SNX24: variants seen among roughly 807,000 people sequenced by gnomAD.
SNX24 encodes the protein sorting nexin-24.
Under a neutral mutation model 28.7 loss-of-function variants are expected in SNX24, and 22 were observed. The observed-to-expected ratio is 0.77, with a 90% CI of 0.55 to 1.10. SNX24 has a LOEUF of 1.10. Among genes scored for constraint, SNX24 ranks in the 50% least tolerant of loss-of-function variants. The probability of loss-of-function intolerance (pLI) is 0.00; values close to 1 mark genes in which losing one functional copy is unlikely to be tolerated. For synonymous variants in SNX24, 69 were observed against 71.5 expected, an observed-to-expected ratio of 0.96 and a Z score of 0.18; for missense variants, 221 against 201.1, an observed-to-expected ratio of 1.10 and a Z score of -0.60.
At chr5:122,848,781 AG>A (rs1297174777) in intron 1 of SNX24, among the ~76,000 whole-genome samples, 7 of 152,238 alleles carry the variant, frequency 4.6e-5, no homozygotes, top group Non-Finnish European at 1.0e-4. Context: ...AGGAAGTTTA[AG>A]GTAGAAATGG....
rs541197894 is a variant in SNX24, at chr5:122,856,045, G to A, written c.60+10352G>A. 2.2e-4 allele frequency among the ~76,000 whole-genome samples: 33 copies of A among 152,262 alleles called. 1 individual carries two copies. The highest frequency in any genetic ancestry group is 2.1e-4 in the South Asian group (1 of 4,822). On this transcript the variant is annotated intron_variant, in intron 1 of 6. Transcript: ENST00000261369. ...AAATTGCATGTTATAGGAGTTTGGC[G>A]TACAGATTATTTCATCACCCAAGTA...
intron 1 of SNX24, among the ~76,000 whole-genome samples, chr5:122,871,245 G>T (rs1755963044): frequency 6.6e-6 from 1 of 152,104 alleles, no homozygotes; most frequent in African/African-American, 2.4e-5. Context: ...ATGCAATAGG[G>T]GCTCAGGCTC....
rs563029165 is a variant in SNX24, at chr5:122,897,104, C to T, written c.61-39630C>T. On this transcript the variant is annotated intron_variant, in intron 1 of 6. Transcript: ENST00000261369. ...TATTTAAGTGTCATTTCACAGGAGA[C>T]ATATAAACGTATCTACTTCAGAGGC... Among the ~76,000 whole-genome samples, 126 of 152,278 alleles carry T rather than the reference C, an allele frequency of 8.3e-4. 1 individual carries two copies. The highest frequency in any genetic ancestry group is 1.3e-3 in the Non-Finnish European group (91 of 68,018).
At chr5:123,018,127 C>T (rs539876935) in intron 5 of SNX24, among the ~76,000 whole-genome samples, 1 of 152,004 alleles carries the variant, frequency 6.6e-6, no homozygotes, top group East Asian at 1.9e-4. Flanking sequence ...AAGAGCCCCA[C>T]ATTGAGTACC....
intron 5 of SNX24, among the ~76,000 whole-genome samples, chr5:123,020,645 G>T (rs890235631): frequency 6.6e-6 from 1 of 152,164 alleles, no homozygotes; most frequent in Non-Finnish European, 1.5e-5. Context: ...CTTTTAGGTT[G>T]CAAGTCAAAG....
At chr5:123,011,907 CATCTT>C (rs1762586805), downstream of SNX24, among the ~76,000 whole-genome samples, 1 of 152,170 alleles carries the variant, frequency 6.6e-6, no homozygotes, top group Non-Finnish European at 1.5e-5. Flanking sequence ...ACCCAAATCT[CATCTT>C]GAATTAATCT....
At chr5:122,915,678 A>G (rs1173131710) in intron 1 of SNX24, among the ~76,000 whole-genome samples, 1 of 152,102 alleles carries the variant, frequency 6.6e-6, no homozygotes, top group Non-Finnish European at 1.5e-5. Flanking sequence ...ATCAGCTCCC[A>G]CTTAAAAATC....
intron 1 of SNX24, among the ~76,000 whole-genome samples, chr5:122,915,676 C>T (rs1431839490): frequency 6.6e-6 from 1 of 152,104 alleles, no homozygotes; most frequent in Non-Finnish European, 1.5e-5. Flanking sequence ...ATATCAGCTC[C>T]CACTTAAAAA....
intron 1 of SNX24, among the ~76,000 whole-genome samples, chr5:122,883,956 C>T (rs752726236): frequency 2.0e-5 from 3 of 152,172 alleles, no homozygotes; most frequent in Non-Finnish European, 2.9e-5. Context: ...CTCCTCGCCA[C>T]ATCATTGACT....
intron 5 of SNX24, among the ~76,000 whole-genome samples, chr5:123,017,234 G>A (rs1325138230): frequency 6.6e-6 from 1 of 152,042 alleles, no homozygotes; most frequent in Non-Finnish European, 1.5e-5. Context: ...ATGGTTTGCA[G>A]AGTGGATGCC....
chr5:123,014,776 C>T (rs1408143425), intron 5 of SNX24, among the ~76,000 whole-genome samples: 1 of 152,162 alleles, frequency 6.6e-6, no homozygotes, highest in African/African-American at 2.4e-5. Flanking sequence ...CTGCCCTCTC[C>T]GAGTTCTTTC....
At chr5:123,003,517 T>C (rs1762319329) in intron 6 of SNX24, among the ~76,000 whole-genome samples, 1 of 152,208 alleles carries the variant, frequency 6.6e-6, no homozygotes. Flanking sequence ...TTTCCATGTA[T>C]TGTTTATGCT....
chr5:122,994,426 A>G (rs1213374263), intron 3 of SNX24, among the ~76,000 whole-genome samples: 2 of 152,234 alleles, frequency 1.3e-5, no homozygotes, highest in African/African-American at 4.8e-5. Context: ...TTAGGGCAGA[A>G]CAAGTCCCTC....
At chr5:122,946,548 C>T (rs981678315) in intron 3 of SNX24, among the ~76,000 whole-genome samples, 1 of 152,056 alleles carries the variant, frequency 6.6e-6, no homozygotes, top group Non-Finnish European at 1.5e-5. Flanking sequence ...GTGAGAGAAA[C>T]TGAACTCACA....
chr5:122,877,042 T>A (rs1756256032), intron 1 of SNX24, among the ~76,000 whole-genome samples: 1 of 152,152 alleles, frequency 6.6e-6, no homozygotes, highest in African/African-American at 2.4e-5. Context: ...TTGTTCTTTG[T>A]CCTCCTGGAG....
chr5:122,938,541 G>A (rs1333743108), intron 2 of SNX24, among the ~76,000 whole-genome samples: 1 of 152,128 alleles, frequency 6.6e-6, no homozygotes, highest in African/African-American at 2.4e-5. Context: ...TTTTATTTGG[G>A]ATACACTGTC....
chr5:122,907,288 T>C (rs1757682737), intron 1 of SNX24, among the ~76,000 whole-genome samples: 1 of 152,136 alleles, frequency 6.6e-6, no homozygotes, highest in African/African-American at 2.4e-5. Context: ...CTTTAAATCA[T>C]ATTGAAGTAA....
At chr5:122,849,254 T>C (rs1475320019) in intron 1 of SNX24, among the ~76,000 whole-genome samples, 1 of 152,216 alleles carries the variant, frequency 6.6e-6, no homozygotes, top group African/African-American at 2.4e-5. Flanking sequence ...CCTTTAAACA[T>C]GTAAAGCTTT....
chr5:122,854,060 T>A (rs889532273), intron 1 of SNX24, among the ~76,000 whole-genome samples: 1 of 152,176 alleles, frequency 6.6e-6, no homozygotes, highest in Non-Finnish European at 1.5e-5. Context: ...CCTCACTTTG[T>A]TATCTTCTGC....
Sources: gnomAD v4.1 joint callset for allele counts (sites outside exome capture counted in the v4.1 genomes callset) on GRCh38, gnomAD v4.1.1 for gene constraint, MANE v1.5 for transcripts, NCBI Gene and HGNC (gene_info 2026-07-23, HGNC 2026-07-21) for gene names.